The following URB1 variants were observed in gnomAD, a reference collection of about 807,000 sequenced individuals.
URB1 encodes the protein nucleolar pre-ribosomal-associated protein 1.
Under a neutral mutation model 242.3 loss-of-function variants are expected in URB1, and 197 were observed. The ratio of observed to expected loss-of-function variants is 0.81; its 90% CI spans 0.72 to 0.91. The LOEUF is 0.91. Among genes scored for constraint, URB1 ranks in the 40% least tolerant of loss-of-function variants. The pLI is 0.00. For missense variants in URB1, 2,721 were observed against 2,860.5 expected (o/e 0.95, Z 1.11); for synonymous variants, 1,153 against 1,201.8 (o/e 0.96, Z 0.84).
intron 15 of URB1, among the ~76,000 whole-genome samples, chr21:32,355,978 C>A (rs1488077952): frequency 6.6e-6 from 1 of 152,214 alleles, no homozygotes; most frequent in Non-Finnish European, 1.5e-5. Context: ...GCCCAAGGAG[C>A]ACGCAGGGGG....
At position 32,353,958 on chromosome 21, in the gene URB1, CAACTTATT is replaced by C; in HGVS notation, c.2383_2390del (p.Asn795AlafsTer7). The C allele has an allele frequency of 6.4e-7, 1 of 1,551,754 alleles. No individual in the cohort carries two copies. The highest frequency in any genetic ancestry group is 8.7e-7 in the Non-Finnish European group (1 of 1,147,012). On this transcript the variant is annotated frameshift_variant, in exon 18 of 39. Coordinates refer to ENST00000382751, the MANE Select transcript of URB1 (RefSeq NM_014825.3). LOFTEE classifies it high-confidence loss of function. ...CTGCTTCATTGCCTGTCCCAAGGAG[CAACTTATT>C]CCTGGCTTCCAGGGCCGCAGGGACT...
chr21:32,344,322 A>G (rs1407457486), intron 24 of URB1, among the ~76,000 whole-genome samples: 2 of 152,236 alleles, frequency 1.3e-5, no homozygotes, highest in Non-Finnish European at 1.5e-5. Context: ...ATTATATAAC[A>G]TCTTGAAATG....
In URB1 at chr21:32,337,138, C is replaced by G; in HGVS notation, c.4641G>C (p.Leu1547=). The change falls in exon 28 of 39, where the codon CTG becomes CTC. Residue 1547 remains leucine (L), a synonymous_variant. Transcript: ENST00000382751. ...GCTTGTTCTGCTCATACGCTCGAAG[C>G]AGAAGTAAAATCTTCTGATCTACAA... is the stretch of plus-strand genomic sequence containing the variant. ...LSVLDQKILL[L]LRAYEQNKLS... 3 of 1,551,858 alleles carry G rather than the reference C, an allele frequency of 1.9e-6. No homozygotes were observed. In the African/African-American group the frequency reaches 4.1e-5, roughly 21 times the overall value.
At position 32,371,859 on chromosome 21, in the gene URB1, AAAAG is replaced by A. The variant is rs144870767; in HGVS notation, c.1001+644_1001+647del. ...CATAGACCTGTATTATACGATTACA[AAAAG>A]AAAGTCTTAAAGAATATGATCAAAA... On this transcript the variant is annotated intron_variant, in intron 8 of 38. Transcript: ENST00000382751. Among the ~76,000 whole-genome samples the A allele has an allele frequency of 2.0e-3, 311 of 152,364 alleles. 2 individuals carry two copies. Among genetic ancestry groups the A allele is most frequent in the African/African-American group, 7.2e-3 (298 of 41,592 alleles).
chr21:32,331,808 A>G (rs2096459), intron 30 of URB1, among the ~76,000 whole-genome samples: 128,991 of 152,294 alleles, frequency 0.85, 55,002 homozygotes, highest in Admixed American at 0.9. Context: ...CAGGCTGGAA[A>G]GAGGAGCCCC....
Position 32,361,899 on chromosome 21 carries a change from G to A in URB1, c.1632C>T (p.His544=), listed in dbSNP as rs1303653393. The stretch of plus-strand genomic sequence containing the variant: ...TCACCCCTGAGACCTTACCGCACTG[G>A]TGAGCATCGCAGGCAGCCGGGGGCC... The part of the protein sequence containing the change: ...SDGPPAACDA[H]QCDDAETILL... Residue 544 remains histidine (H), a synonymous_variant, in exon 12 of 39, where the codon CAC becomes CAT. Coordinates refer to ENST00000382751, the MANE Select transcript of URB1 (RefSeq NM_014825.3). 1 of 1,551,034 alleles carries A rather than the reference G, an allele frequency of 6.4e-7. No individual in the cohort carries two copies. The highest frequency in any genetic ancestry group is 8.7e-7 in the Non-Finnish European group (1 of 1,146,816).
intron 14 of URB1, among the ~76,000 whole-genome samples, chr21:32,358,426 C>T (rs750755790): frequency 5.8e-4 from 88 of 152,276 alleles, no homozygotes; most frequent in Admixed American, 2.4e-3. Flanking sequence ...GCTGATAGAA[C>T]GGATTGCTTA....
At chr21:32,316,426 C>T (rs1454042742) in intron 38 of URB1, 40 bp downstream of exon 38, 1 of 1,463,932 alleles carries the variant, frequency 6.8e-7, no homozygotes, top group Non-Finnish European at 9.0e-7. Context: ...CCCACTTCTG[C>T]ATCTATTTCT....
Position 32,319,272 on chromosome 21 carries a change from G to A in URB1, c.5737C>T (p.Leu1913=), listed in dbSNP as rs2032734254. The A allele has an allele frequency of 1.9e-6, 3 of 1,551,178 alleles. No homozygotes were observed. Among genetic ancestry groups the A allele is most frequent in the Non-Finnish European group, 2.6e-6 (3 of 1,146,804 alleles). ...SSQEPAKRLA[L]HLVNEFLYVL... ...TAAAGGAACTCATTGACCAGGTGCA[G>A]GGCAAGCCGCTTGGCAGGCTCCTGG... is the stretch of plus-strand genomic sequence containing the variant. Residue 1913 remains leucine (L), a synonymous_variant, in exon 36 of 39, where the codon CTG becomes TTG. Transcript: ENST00000382751.
chr21:32,391,770 T>C (rs891559660), intron 1 of URB1, among the ~76,000 whole-genome samples: 1 of 151,656 alleles, frequency 6.6e-6, no homozygotes, highest in Middle Eastern at 3.2e-3. Flanking sequence ...CCCAGCCCTT[T>C]GAGAAGACAA....
At chr21:32,323,119 C>T (rs753565963) in intron 32 of URB1, among the ~76,000 whole-genome samples, 44 of 152,214 alleles carry the variant, frequency 2.9e-4, no homozygotes, top group South Asian at 2.1e-4. Flanking sequence ...GCCCTGCACA[C>T]GCTCCACCCC....
At chr21:32,391,208 G>C (rs370356025) in intron 1 of URB1, among the ~76,000 whole-genome samples, 32 of 150,250 alleles carry the variant, frequency 2.1e-4, no homozygotes, top group African/African-American at 7.3e-4. Flanking sequence ...CACACACCGG[G>C]GCCTGTTGTC....
In URB1 at chr21:32,366,626, C is replaced by T; in HGVS notation, c.1327G>A (p.Ala443Thr). 1 of 1,551,440 alleles carries T rather than the reference C, an allele frequency of 6.4e-7. No homozygotes were observed. The highest frequency in any genetic ancestry group is 8.7e-7 in the Non-Finnish European group (1 of 1,146,788). Residue 443 changes from alanine to threonine, a missense_variant, in exon 10 of 39, where the codon GCA becomes ACA. Transcript: ENST00000382751. ...LVCNKSMFTQ[A>T]LNLDSTSVRH... ...CAACCACATGGCCTTACGTTTAATGCTTGGGTGAACATGCTCTTATTGCAC... is the reference window on the plus strand; with the variant it reads ...CAACCACATGGCCTTACGTTTAATGTTTGGGTGAACATGCTCTTATTGCAC...
chr21:32,330,227 A>G, intron 30 of URB1, among the ~76,000 whole-genome samples: 1 of 105,760 alleles, frequency 9.5e-6, no homozygotes, highest in Non-Finnish European at 1.9e-5. Flanking sequence ...TTTTGGGTAT[A>G]TCCATTTCCC....
chr21:32,324,535 A>G lies in URB1; in HGVS notation c.5189T>C (p.Leu1730Ser). The change falls in exon 32 of 39, where the codon TTG becomes TCG. Residue 1730 changes from leucine to serine, a missense_variant. Coordinates refer to ENST00000382751, the MANE Select transcript of URB1 (RefSeq NM_014825.3). ...RTQDMRLTFT[L>S]ALFIAKAALQ... Reference sequence around the variant, plus strand: ...GGCTGCTTTGGCAATGAAGAGAGCCAAGGTAAAAGTAAGTCTCATGTCCTG... The same window carrying G: ...GGCTGCTTTGGCAATGAAGAGAGCCGAGGTAAAAGTAAGTCTCATGTCCTG... 6.4e-7 allele frequency: 1 copy of G among 1,551,942 alleles called. No individual in the cohort carries two copies.
intron 30 of URB1, chr21:32,333,114 A>T: frequency 7.7e-5 from 39 of 503,640 alleles, no homozygotes; most frequent in Admixed American, 1.5e-4. Context: ...TTTTTTTTTT[A>T]AATCACTGTA....
chr21:32,387,626 G>A (rs1355580837), intron 1 of URB1, among the ~76,000 whole-genome samples: 1 of 149,720 alleles, frequency 6.7e-6, no homozygotes, highest in Non-Finnish European at 1.5e-5. Flanking sequence ...AAAAGCAGAG[G>A]AAGGGACTAA....
At chr21:32,388,633 A>G (rs577169005) in intron 1 of URB1, among the ~76,000 whole-genome samples, 1 of 152,354 alleles carries the variant, frequency 6.6e-6, no homozygotes, top group East Asian at 1.9e-4. Context: ...TGTGAGTTAC[A>G]GGAGCTCAGT....
intron 24 of URB1, among the ~76,000 whole-genome samples, chr21:32,343,250 C>T (rs2033050354): frequency 6.6e-6 from 1 of 151,740 alleles, no homozygotes; most frequent in Admixed American, 6.6e-5. Flanking sequence ...GTCTTTTAGC[C>T]CTGTGATCAC....
Sources: allele counts gnomAD v4.1 joint callset (sites outside exome capture counted in the v4.1 genomes callset), GRCh38; gene constraint gnomAD v4.1.1; transcripts MANE v1.5; gene names NCBI Gene and HGNC (gene_info 2026-07-23, HGNC 2026-07-21).